TAF1: variants seen among roughly 807,000 people sequenced by gnomAD.
TAF1 encodes the protein transcription initiation factor TFIID subunit 1.
Under a neutral mutation model 138.5 loss-of-function variants are expected in TAF1, and 2 were observed. The observed-to-expected ratio is 0.01, with a 90% CI of 0.01 to 0.05. The LOEUF is 0.05. Ranked by LOEUF, TAF1 falls within the 10% of genes least tolerant of loss-of-function variation. The pLI is 1.00. For synonymous variants in TAF1, 437 were observed against 503.2 expected (o/e 0.87, Z 1.76); for missense variants, 709 against 1,478.0 (o/e 0.48, Z 8.53).
intron 13 of TAF1, among the ~76,000 whole-genome samples, chrX:71,471,346 T>TACACACAC (rs1189459686): frequency 2.1e-5 from 2 of 95,674 alleles, no homozygotes; most frequent in Admixed American, 1.2e-4. Context: ...TATATATATA[T>TACACACAC]ACACACACAC....
chrX:71,390,718 G>A (rs1365752647), intron 18 of TAF1, among the ~76,000 whole-genome samples: 3 of 111,485 alleles, frequency 2.7e-5, no homozygotes, highest in Admixed American at 9.6e-5. Flanking sequence ...TCTCACGGCC[G>A]GGCGCGGTGG....
intron 28 of TAF1, among the ~76,000 whole-genome samples, chrX:71,415,128 C>CT (rs1158533765): frequency 0.023 from 1,174 of 51,588 alleles, 204 homozygotes; most frequent in African/African-American, 0.058. Flanking sequence ...AAAGTTTTGT[C>CT]TTTTTTTTTT....
intron 4 of TAF1, among the ~76,000 whole-genome samples, chrX:71,375,546 A>G (rs953322927): frequency 2.4e-4 from 27 of 111,284 alleles, no homozygotes; most frequent in African/African-American, 7.8e-4. Context: ...ATCACTTAGA[A>G]TCTTTAAAAA....
chrX:71,377,330 T>G (rs1176632601), intron 5 of TAF1, 139 bp downstream of exon 5: 18 of 953,988 alleles, frequency 1.9e-5, no homozygotes, highest in Non-Finnish European at 2.5e-5. Context: ...CTCTTCACAC[T>G]GTATTAGGTC....
At chrX:71,445,040 C>T (rs939366953) in intron 32 of TAF1, among the ~76,000 whole-genome samples, 49 of 110,852 alleles carry the variant, frequency 4.4e-4, no homozygotes, top group African/African-American at 1.6e-3. Flanking sequence ...GTGTTTGTAT[C>T]TCTTTAAGAA....
intron 32 of TAF1, among the ~76,000 whole-genome samples, chrX:71,440,037 CTTAGAACTGTTACCAT>C (rs2037334946): frequency 9.0e-6 from 1 of 111,423 alleles, no homozygotes; most frequent in South Asian, 3.7e-4. Flanking sequence ...ACAATCAAGA[CTTAGAACTGTTACCAT>C]AAAGGAACTC....
At chrX:71,492,756 C>T (rs1358526617) in intron 13 of TAF1, 1 of 114,307 alleles carries the variant, frequency 8.7e-6, no homozygotes, top group Non-Finnish European at 1.8e-5. Context: ...AGGGTCTCCT[C>T]CAGGAAAGTC....
chrX:71,376,512 A>G (rs1181799787), intron 4 of TAF1, among the ~76,000 whole-genome samples: 4 of 110,122 alleles, frequency 3.6e-5, no homozygotes, highest in African/African-American at 9.9e-5. Context: ...CTAAAAATGC[A>G]AAAATTTAGC....
chrX:71,502,316 A>C (rs973209997), intron 13 of TAF1, among the ~76,000 whole-genome samples: 2 of 110,542 alleles, frequency 1.8e-5, no homozygotes, highest in Middle Eastern at 4.2e-3. Flanking sequence ...GTTTTTACAG[A>C]GTGCTGATTG....
Position 71,382,636 on chromosome X carries a change from A to G in TAF1, c.1638A>G (p.Thr546=), listed in dbSNP as rs201191689. Residue 546 remains threonine, a synonymous_variant, in exon 10 of 38, where the codon ACA becomes ACG. Transcript: ENST00000423759. ...LKKSRILLGK[T]GVIKEEPQQN... is the part of the protein sequence containing the mutation. ...AGAGTCGAATTCTCTTAGGGAAAACAGGAGTCATCAAGGAGGAACCACAGC... is the reference window on the plus strand; with the variant it reads ...AGAGTCGAATTCTCTTAGGGAAAACGGGAGTCATCAAGGAGGAACCACAGC... 1.7e-5 allele frequency: 21 copies of G among 1,209,601 alleles called. No homozygotes were observed. The South Asian group carries it at 3.7e-4, about 21-fold the overall frequency.
intron 13 of TAF1, among the ~76,000 whole-genome samples, chrX:71,472,470 C>G (rs970228617): frequency 2.7e-5 from 3 of 111,787 alleles, no homozygotes; most frequent in Admixed American, 9.6e-5. Flanking sequence ...TGGTGGCTCA[C>G]GCCTGTAATC....
intron 32 of TAF1, among the ~76,000 whole-genome samples, chrX:71,448,815 T>C (rs1254090412): frequency 9.5e-6 from 1 of 105,505 alleles, no homozygotes; most frequent in Non-Finnish European, 1.9e-5. Flanking sequence ...TTTCTTTTTC[T>C]TTTTCTTTTT....
chrX:71,410,454 C>CTTTTTTTTTT (rs57027102), intron 28 of TAF1, among the ~76,000 whole-genome samples: 2 of 70,647 alleles, frequency 2.8e-5, no homozygotes, highest in Non-Finnish European at 2.7e-5. Flanking sequence ...TTTCTTTTTT[C>CTTTTTTTTTT]TTTTTTTTTT....
At chrX:71,428,845 T>A (rs2036726309) in intron 32 of TAF1, among the ~76,000 whole-genome samples, 1 of 112,261 alleles carries the variant, frequency 8.9e-6, no homozygotes, top group Non-Finnish European at 1.9e-5. Flanking sequence ...CATGCTTTTT[T>A]AAAAAAGATG....
chrX:71,376,903 A>G lies in TAF1; in HGVS notation c.473-47A>G, dbSNP rs141973896. On this transcript the variant is annotated intron_variant, in intron 4 of 37. Transcript: ENST00000423759. ...GTGGGTGTTTGCGGAATTCGAGGAAATATGTTCACAGTTACATGCCAAAGG... is the reference window on the plus strand; with the variant it reads ...GTGGGTGTTTGCGGAATTCGAGGAAGTATGTTCACAGTTACATGCCAAAGG... The G allele has an allele frequency of 2.6e-4, 314 of 1,196,487 alleles. 3 individuals are homozygous for G. In the East Asian group the frequency reaches 8.7e-3, roughly 33 times the overall value.
chrX:71,436,038 CTTTTTTTTTTTT>C (rs780566468), intron 32 of TAF1, among the ~76,000 whole-genome samples: 5 of 78,421 alleles, frequency 6.4e-5, no homozygotes, highest in East Asian at 3.6e-4. Flanking sequence ...ATGCTACCTC[CTTTTTTTTTTTT>C]TTTTTTTTTT....
At chrX:71,508,035 A>G (rs1278570137) in intron 13 of TAF1, among the ~76,000 whole-genome samples, 1 of 104,709 alleles carries the variant, frequency 9.6e-6, no homozygotes, top group Non-Finnish European at 1.9e-5. Flanking sequence ...TATAGTAGAT[A>G]TAGATACTTA....
chrX:71,503,348 A>G lies in TAF1; in HGVS notation c.1367-25194A>G, dbSNP rs183360384. ...TGTGTGTATATATATATATATGTGT[A>G]TATATATATATATACACACACATTT... On this transcript the variant is annotated intron_variant and NMD_transcript_variant, in intron 13 of 14. Transcript: ENST00000373775. Among the ~76,000 whole-genome samples the G allele has an allele frequency of 1.1e-3, 100 of 92,823 alleles. 1 individual carries two copies. Among genetic ancestry groups the G allele is most frequent in the African/African-American group, 2.5e-3 (58 of 23,179 alleles). 80.6% of individuals were successfully genotyped at this position (92,823 alleles called of 115,157 possible).
In TAF1 at chrX:71,388,859, A is replaced by G; in HGVS notation, c.2691A>G (p.Gln897=). The G allele has an allele frequency of 8.3e-7, 1 of 1,208,306 alleles. No homozygotes were observed. Among genetic ancestry groups the G allele is most frequent in the African/African-American group, 1.7e-5 (1 of 57,677 alleles). Residue 897 remains glutamine, a synonymous_variant, in exon 17 of 38, where the codon CAA becomes CAG. Coordinates refer to ENST00000423759, the MANE Select transcript of TAF1 (RefSeq NM_004606.5). ...CAYYSMIAAE[Q]RLKDAGYGEK... is the part of the protein sequence containing the mutation. The stretch of plus-strand genomic sequence containing the variant: ...ATTATAGCATGATAGCTGCAGAGCA[A>G]CGACTGAAGGTGAACACCTTCCTCT...
Sources: allele counts gnomAD v4.1 joint callset (sites outside exome capture counted in the v4.1 genomes callset), GRCh38; gene constraint gnomAD v4.1.1; transcripts MANE v1.5; gene names NCBI Gene and HGNC (gene_info 2026-07-23, HGNC 2026-07-21).